GABRB3: variants seen among roughly 807,000 people sequenced by gnomAD.
GABRB3 encodes gamma-aminobutyric acid type A receptor subunit beta3.
GABRB3 carries 14 observed loss-of-function variants against 52.1 expected under a neutral mutation model. The ratio of observed to expected loss-of-function variants is 0.27; its 90% confidence interval spans 0.18 to 0.42. GABRB3 has a LOEUF of 0.42. Ranked by LOEUF, GABRB3 falls within the 10% of genes least tolerant of loss-of-function variation. GABRB3 has a pLI of 1.00. For synonymous variants in GABRB3, 260 were observed against 232.3 expected (o/e 1.12, Z -1.08); for missense variants, 307 against 609.1 (o/e 0.50, Z 5.22).
chr15:26,577,873 A>G (rs1890649445), intron 6 of GABRB3, among the ~76,000 whole-genome samples: 1 of 152,138 alleles, frequency 6.6e-6, no homozygotes, highest in Non-Finnish European at 1.5e-5. Flanking sequence ...TGCAGCCTCA[A>G]ACTCCTGGGT....
Position 26,573,591 on chromosome 15 carries a change from T to C in GABRB3, c.683-5858A>G, listed in dbSNP as rs1188831189. ...GAGAAGGTTACTATCCTCTCTTTCCTTGTGTGTAAAATCAAGGCAAGAACA... is the reference window on the plus strand; with the variant it reads ...GAGAAGGTTACTATCCTCTCTTTCCCTGTGTGTAAAATCAAGGCAAGAACA... On this transcript the variant is annotated intron_variant, in intron 6 of 8. Coordinates refer to ENST00000311550, the MANE Select transcript of GABRB3 (RefSeq NM_000814.6). Among the ~76,000 whole-genome samples, 3 of 152,208 alleles carry C rather than the reference T, an allele frequency of 2.0e-5. No individual in the cohort carries two copies. The East Asian group carries it at 5.8e-4, about 29-fold the overall frequency.
intron 3 of GABRB3, among the ~76,000 whole-genome samples, chr15:26,698,844 A>G (rs9920452): frequency 0.024 from 3,648 of 152,330 alleles, 143 homozygotes; most frequent in African/African-American, 0.083. Flanking sequence ...AGACTGTGAA[A>G]AAGAAAGCCG....
rs1891033909 is a variant in GABRB3 at position 26,767,595 on chromosome 15, C to T, written c.240+4807G>A. ...AGGGACTTGGAAACAGAACCCATAG[C>T]TCCCAATGCTGTAAGGCTTTTTTTA... On this transcript the variant is annotated intron_variant, in intron 3 of 8. Coordinates refer to ENST00000311550, the MANE Select transcript of GABRB3 (RefSeq NM_000814.6). 3.3e-5 allele frequency among the ~76,000 whole-genome samples: 5 copies of T among 152,282 alleles called. No individual in the cohort carries two copies. In the South Asian group the frequency reaches 1.0e-3, roughly 32 times the overall value.
At chr15:26,586,131 T>C (rs550717841) in intron 4 of GABRB3, among the ~76,000 whole-genome samples, 8 of 152,042 alleles carry the variant, frequency 5.3e-5, no homozygotes, top group Admixed American at 3.3e-4. Flanking sequence ...CCCAAGTAGA[T>C]GGGACTACAG....
intron 3 of GABRB3, among the ~76,000 whole-genome samples, chr15:26,765,965 G>C (rs1413145181): frequency 6.6e-6 from 1 of 152,066 alleles, no homozygotes; most frequent in Admixed American, 6.5e-5. Context: ...TAAGAAAGTC[G>C]GTGCTATTTC....
intron 3 of GABRB3, chr15:26,716,824 C>T (rs1175171376): frequency 1.4e-5 from 16 of 1,150,126 alleles, no homozygotes; most frequent in African/African-American, 5.3e-5. Context: ...CACAGCCCAG[C>T]TCTGAGGACC....
intron 3 of GABRB3, among the ~76,000 whole-genome samples, chr15:26,683,568 T>C (rs890590621): frequency 6.6e-6 from 1 of 152,206 alleles, no homozygotes; most frequent in African/African-American, 2.4e-5. Context: ...ATGATTGTCG[T>C]AGCAGAGAAG....
intron 6 of GABRB3, among the ~76,000 whole-genome samples, chr15:26,578,882 T>C (rs1595455319): frequency 6.6e-6 from 1 of 152,230 alleles, no homozygotes; most frequent in East Asian, 1.9e-4. Flanking sequence ...GTGGACACTA[T>C]TTCTTAATGA....
chr15:26,726,042 T>C (rs2140145178), intron 3 of GABRB3, among the ~76,000 whole-genome samples: 1 of 152,232 alleles, frequency 6.6e-6, no homozygotes, highest in Middle Eastern at 3.4e-3. Flanking sequence ...TGTGCTACTA[T>C]GGGGGAAATC....
intron 3 of GABRB3, among the ~76,000 whole-genome samples, chr15:26,632,733 T>G (rs28506954): frequency 0.044 from 6,656 of 152,272 alleles, 499 homozygotes; most frequent in African/African-American, 0.15. Flanking sequence ...ACCCTTGCCA[T>G]GTGCCTTACT....
At chr15:26,669,985 A>C (rs1595520675) in intron 3 of GABRB3, among the ~76,000 whole-genome samples, 1 of 152,312 alleles carries the variant, frequency 6.6e-6, no homozygotes, top group Admixed American at 6.5e-5. Context: ...TGTCACTTCC[A>C]GAGAGGCCCT....
intron 7 of GABRB3, among the ~76,000 whole-genome samples, chr15:26,563,825 T>G (rs1890071737): frequency 6.6e-6 from 1 of 152,076 alleles, no homozygotes; most frequent in African/African-American, 2.4e-5. Flanking sequence ...TTGTAAGTCT[T>G]TCTGTAAATT....
At chr15:26,683,223 GT>G (rs1888293400) in intron 3 of GABRB3, among the ~76,000 whole-genome samples, 2 of 152,158 alleles carry the variant, frequency 1.3e-5, no homozygotes, top group South Asian at 4.1e-4. Flanking sequence ...TATAATAAAT[GT>G]TTAAGAGAAT....
intron 3 of GABRB3, among the ~76,000 whole-genome samples, chr15:26,766,098 C>T (rs1195284609): frequency 6.6e-6 from 1 of 152,106 alleles, no homozygotes; most frequent in Non-Finnish European, 1.5e-5. Flanking sequence ...TTTTATAAAC[C>T]GCAGAATGGT....
chr15:26,583,851 T>C (rs887506830), intron 4 of GABRB3, among the ~76,000 whole-genome samples: 1 of 151,100 alleles, frequency 6.6e-6, no homozygotes, highest in Non-Finnish European at 1.5e-5. Flanking sequence ...CTCAGATCAC[T>C]GCAAGCTCCA....
intron 3 of GABRB3, among the ~76,000 whole-genome samples, chr15:26,684,129 T>C (rs17646890): frequency 0.17 from 25,971 of 152,158 alleles, 2,348 homozygotes; most frequent in Non-Finnish European, 0.19. Flanking sequence ...CTCCACACTC[T>C]CATTTTGCAA....
chr15:26,632,093 C>T (rs886480936), intron 3 of GABRB3, among the ~76,000 whole-genome samples: 2 of 152,196 alleles, frequency 1.3e-5, no homozygotes, highest in African/African-American at 4.8e-5. Context: ...AAGTGACAGG[C>T]GACCTCACTG....
At chr15:26,698,572 A>T (rs1193189402) in intron 3 of GABRB3, among the ~76,000 whole-genome samples, 8 of 152,222 alleles carry the variant, frequency 5.3e-5, no homozygotes, top group Admixed American at 5.2e-4. Context: ...AAGAGAAAAA[A>T]TTTTAATGAC....
upstream of GABRB3, chr15:26,773,220 T>C (rs896372840): frequency 2.9e-4 from 51 of 173,714 alleles, no homozygotes; most frequent in Admixed American, 2.9e-3. Flanking sequence ...CCGCGCACCC[T>C]GCCCTCCCCC....
Sources: allele counts gnomAD v4.1 joint callset (sites outside exome capture counted in the v4.1 genomes callset), GRCh38; gene constraint gnomAD v4.1.1; transcripts MANE v1.5; gene names NCBI Gene and HGNC (gene_info 2026-07-23, HGNC 2026-07-21).